The following TCEANC variants were observed in gnomAD, a reference collection of about 807,000 sequenced individuals.
TCEANC encodes transcription elongation factor A N-terminal and central domain containing.
Under a neutral mutation model 8.7 loss-of-function variants are expected in TCEANC, and 8 were observed. The ratio of observed to expected loss-of-function variants is 0.92; its 90% CI spans 0.54 to 1.65. The LOEUF (loss-of-function observed/expected upper bound fraction) is 1.65. TCEANC is among the 40% of genes most tolerant of loss of function. TCEANC has a pLI of 0.00. For synonymous variants in TCEANC, 78 were observed against 92.9 expected, an observed-to-expected ratio of 0.84 and a Z score of 0.92; for missense variants, 255 against 251.9, an observed-to-expected ratio of 1.01 and a Z score of -0.08.
chrX:13,658,526 A>G (rs1396255413), intron 1 of TCEANC, among the ~76,000 whole-genome samples: 1 of 108,850 alleles, frequency 9.2e-6, no homozygotes, highest in Non-Finnish European at 1.9e-5. Flanking sequence ...CATAATCAGA[A>G]AAGTTATTGG....
At chrX:13,655,883 C>T (rs1461876489) in intron 1 of TCEANC, among the ~76,000 whole-genome samples, 3 of 112,723 alleles carry the variant, frequency 2.7e-5, no homozygotes, top group Admixed American at 1.9e-4. Flanking sequence ...TCAGTGGTTG[C>T]GAGTAGTCAA....
At chrX:13,656,348 T>G (rs2045924303) in intron 1 of TCEANC, among the ~76,000 whole-genome samples, 1 of 112,558 alleles carries the variant, frequency 8.9e-6, no homozygotes, top group Admixed American at 9.4e-5. Flanking sequence ...TATGTAGAAC[T>G]AAGCTGGACA....
intron 1 of TCEANC, among the ~76,000 whole-genome samples, chrX:13,661,775 T>A (rs189564740): frequency 4.0e-3 from 446 of 112,396 alleles, no homozygotes; most frequent in African/African-American, 0.012. Flanking sequence ...AAAAATTTTT[T>A]AAAAATTAAC....
chrX:13,654,581 A>T (rs901675545), upstream of TCEANC, among the ~76,000 whole-genome samples: 3 of 110,825 alleles, frequency 2.7e-5, no homozygotes, highest in Non-Finnish European at 5.6e-5. Context: ...ACATCCTATT[A>T]TTCACACTTA....
At chrX:13,654,193 T>C (rs144009816), upstream of TCEANC, among the ~76,000 whole-genome samples, 596 of 113,175 alleles carry the variant, frequency 5.3e-3, 3 homozygotes, top group African/African-American at 0.018. Context: ...AATGTATAAT[T>C]AATTTCACCA....
In TCEANC at chrX:13,662,673, C is replaced by T. The variant is rs759514635; in HGVS notation, c.165C>T (p.Val55=). The T allele has an allele frequency of 7.4e-6, 9 of 1,211,579 alleles. No individual in the cohort carries two copies. The South Asian group carries it at 1.6e-4, about 21-fold the overall frequency. Residue 55 remains valine, a synonymous_variant, in exon 2 of 2, where the codon GTC becomes GTT. Coordinates refer to ENST00000380600, the Ensembl canonical transcript of TCEANC. ...ATGTGGTCAGAGCTGTGTACAGAGT[C>T]CTCAAAAACTGCCCCTCTGTGGCTT... is the stretch of plus-strand genomic sequence containing the variant.
At chrX:13,653,987 G>A (rs995943649), upstream of TCEANC, among the ~76,000 whole-genome samples, 1 of 112,006 alleles carries the variant, frequency 8.9e-6, no homozygotes, top group East Asian at 2.8e-4. Flanking sequence ...TAGAACCGTG[G>A]CGTCCCAATA....
chrX:13,655,868 GC>G (rs1385039461), intron 1 of TCEANC, among the ~76,000 whole-genome samples: 1 of 112,890 alleles, frequency 8.9e-6, no homozygotes, highest in Non-Finnish European at 1.9e-5. Flanking sequence ...ACAGAGCCGT[GC>G]CCATCAGTGG....
chrX:13,655,547 A>G (rs2045918647), intron 1 of TCEANC, among the ~76,000 whole-genome samples, 174 bp downstream of exon 2: 1 of 112,381 alleles, frequency 8.9e-6, no homozygotes, highest in African/African-American at 3.2e-5. Flanking sequence ...AGTTGTCTGC[A>G]TTCGGTCCAG....
At chrX:13,662,053 A>G (rs773133929) in intron 1 of TCEANC, among the ~76,000 whole-genome samples, 20 of 112,172 alleles carry the variant, frequency 1.8e-4, no homozygotes, top group Non-Finnish European at 3.8e-4. Context: ...ATGAGCAAGT[A>G]GTTCAGTTAT....
intron 1 of TCEANC, among the ~76,000 whole-genome samples, chrX:13,660,675 A>G (rs1035675585): frequency 1.4e-4 from 16 of 112,398 alleles, no homozygotes; most frequent in African/African-American, 5.2e-4. Flanking sequence ...GTGTGGATAA[A>G]TCACATTTTA....
chrX:13,656,998 G>T (rs146560922), intron 1 of TCEANC, among the ~76,000 whole-genome samples: 1 of 112,039 alleles, frequency 8.9e-6, no homozygotes, highest in Non-Finnish European at 1.9e-5. Flanking sequence ...CAGTTTGGGA[G>T]GATGAAAAGA....
At chrX:13,654,010 A>G (rs774109397), upstream of TCEANC, among the ~76,000 whole-genome samples, 1 of 112,347 alleles carries the variant, frequency 8.9e-6, no homozygotes, top group East Asian at 2.8e-4. Context: ...GATAGCCATT[A>G]GTTACATAAG....
exon 2 of TCEANC, chrX:13,663,047 T>C: frequency 8.3e-7 from 1 of 1,211,408 alleles, no homozygotes; most frequent in Non-Finnish European, 1.1e-6. Context: ...TGCATAGAGC[T>C]TCTTTACGCA....
At chrX:13,660,310 C>T (rs1240585840) in intron 1 of TCEANC, among the ~76,000 whole-genome samples, 1 of 111,580 alleles carries the variant, frequency 9.0e-6, no homozygotes, top group East Asian at 2.8e-4. Context: ...ATACAGTTCA[C>T]CTAAAGTGTA....
At chrX:13,659,753 G>A (rs138871862) in intron 1 of TCEANC, 1,849 of 111,458 alleles carry the variant, frequency 0.017, 36 homozygotes, top group African/African-American at 0.058. Flanking sequence ...GGCCTTCCGA[G>A]TAGCTGGGAC....
chrX:13,664,546 T>C (rs1184906612), exon 2 of TCEANC: 2 of 122,790 alleles, frequency 1.6e-5, no homozygotes, highest in African/African-American at 6.5e-5. Flanking sequence ...TGTTTTTGTT[T>C]TTGTTTTTTC....
At chrX:13,654,849 G>GT (rs1224482756), upstream of TCEANC, among the ~76,000 whole-genome samples, 9 of 104,818 alleles carry the variant, frequency 8.6e-5, no homozygotes, top group South Asian at 4.3e-4. Flanking sequence ...TTGTTTGTTT[G>GT]TTTGTTTTGT....
intron 1 of TCEANC, among the ~76,000 whole-genome samples, chrX:13,661,964 ATTGC>A (rs763363014): frequency 9.0e-5 from 10 of 111,731 alleles, no homozygotes; most frequent in Non-Finnish European, 1.7e-4. Flanking sequence ...TTTTCCTTAG[ATTGC>A]TTGAGACATT....
Sources: allele counts gnomAD v4.1 joint callset (sites outside exome capture counted in the v4.1 genomes callset), GRCh38; gene constraint gnomAD v4.1.1; transcripts MANE v1.5; gene names NCBI Gene and HGNC (gene_info 2026-07-23, HGNC 2026-07-21).